RBPJ: variants seen among roughly 807,000 people sequenced by gnomAD.
The protein encoded by RBPJ is recombination signal binding protein for immunoglobulin kappa J region, also known as recombining binding protein suppressor of hairless.
RBPJ carries 9 observed loss-of-function variants against 67.8 expected under a neutral mutation model. The ratio of observed to expected loss-of-function variants is 0.13; its 90% CI spans 0.08 to 0.23. The LOEUF is 0.23. Ranked by LOEUF, RBPJ falls within the 10% of genes least tolerant of loss-of-function variation. The pLI is 1.00. For synonymous variants in RBPJ, 198 were observed against 203.3 expected (o/e 0.97, Z 0.22); for missense variants, 305 against 595.6 (o/e 0.51, Z 5.08).
chr4:26,236,619 A>G (rs1719461328), intron 1 of RBPJ, among the ~76,000 whole-genome samples: 1 of 152,176 alleles, frequency 6.6e-6, no homozygotes, highest in South Asian at 2.1e-4. Context: ...AGAGCAAGCA[A>G]TTCAAGAGAC....
At chr4:26,153,294 T>TA in the RBPJ span, among the ~76,000 whole-genome samples, 18 of 152,234 alleles carry the variant, frequency 1.2e-4, no homozygotes, top group African/African-American at 4.1e-4. Flanking sequence ...AATTTTAAGG[T>TA]AAAAAACATG....
upstream of RBPJ, among the ~76,000 whole-genome samples, chr4:26,162,567 T>A (rs1716111641): frequency 6.6e-6 from 1 of 152,250 alleles, no homozygotes; most frequent in South Asian, 2.1e-4. Context: ...TGTATTGATC[T>A]ATTTAATCTT....
the RBPJ span, among the ~76,000 whole-genome samples, chr4:26,116,079 A>C: frequency 6.6e-6 from 1 of 152,236 alleles, no homozygotes; most frequent in Non-Finnish European, 1.5e-5. Flanking sequence ...TCATGTTCTC[A>C]TTCAATAAAA....
At chr4:26,156,918 T>C in the RBPJ span, among the ~76,000 whole-genome samples, 5 of 138,746 alleles carry the variant, frequency 3.6e-5, no homozygotes, top group Non-Finnish European at 4.7e-5. Context: ...AAAAAAAAAA[T>C]ACATAAATTA....
intron 1 of RBPJ, among the ~76,000 whole-genome samples, chr4:26,358,851 C>G (rs574332702): frequency 1.3e-5 from 2 of 152,036 alleles, no homozygotes; most frequent in Non-Finnish European, 2.9e-5. Flanking sequence ...GCCCATTATC[C>G]CAGTTCACTG....
chr4:26,289,264 G>A (rs1019867202), intron 1 of RBPJ, among the ~76,000 whole-genome samples: 3 of 149,184 alleles, frequency 2.0e-5, no homozygotes, highest in African/African-American at 7.4e-5. Context: ...GGGCACAGTG[G>A]CAGGTGCCTG....
At chr4:26,216,541 C>A (rs1718727948) in intron 1 of RBPJ, among the ~76,000 whole-genome samples, 1 of 152,028 alleles carries the variant, frequency 6.6e-6, no homozygotes. Flanking sequence ...GGGGTTGGGC[C>A]AGGTCACTGA....
At chr4:26,416,499 G>A (rs1186091849) in intron 4 of RBPJ, among the ~76,000 whole-genome samples, 1 of 152,036 alleles carries the variant, frequency 6.6e-6, no homozygotes, top group African/African-American at 2.4e-5. Flanking sequence ...CAAAGTGCTG[G>A]GATTACGGGT....
intron 1 of RBPJ, among the ~76,000 whole-genome samples, chr4:26,167,816 C>T (rs547074049): frequency 2.5e-4 from 38 of 151,046 alleles, no homozygotes; most frequent in African/African-American, 9.2e-4. Context: ...GGAATGCTTC[C>T]AGTTTTTGCC....
intron 1 of RBPJ, among the ~76,000 whole-genome samples, chr4:26,270,377 G>GAAAGAAAGAAAGAAAGAAAGAAA (rs1560237695): frequency 6.8e-5 from 3 of 44,178 alleles, no homozygotes; most frequent in Non-Finnish European, 1.5e-4. Context: ...AAGAAAGAAA[G>GAAAGAAAGAAAGAAAGAAAGAAA]AAAGAAAGAA....
chr4:26,241,490 C>T (rs993885373), intron 1 of RBPJ, among the ~76,000 whole-genome samples: 1 of 151,938 alleles, frequency 6.6e-6, no homozygotes, highest in Non-Finnish European at 1.5e-5. Context: ...GTCTTCTTTT[C>T]ACTTTTTTTT....
At chr4:26,130,679 T>C in the RBPJ span, among the ~76,000 whole-genome samples, 5 of 152,232 alleles carry the variant, frequency 3.3e-5, no homozygotes, top group African/African-American at 1.2e-4. Context: ...CTACTCCTTT[T>C]TCTATGAGAA....
intron 2 of RBPJ, among the ~76,000 whole-genome samples, chr4:26,394,007 T>G (rs1461696704): frequency 6.6e-6 from 1 of 150,844 alleles, no homozygotes; most frequent in Non-Finnish European, 1.5e-5. Context: ...TATATACTAT[T>G]CACTGTTACT....
rs1720878626 is a variant in RBPJ at position 26,270,440 on chromosome 4, G to GAAAGAAAGAAAGAGAAAGAAAGAAA, written c.-166-91993_-166-91992insGAAAGAAAGAAAAAAGAAAGAAAGA. ...AAGAAAGAAAGAAAGAAAGAAAGAA[G>GAAAGAAAGAAAGAGAAAGAAAGAAA]AAAGAAAGAAAGAAAGAAAAGAAAA... On this transcript the variant is annotated intron_variant, in intron 1 of 4. Coordinates refer to the RBPJ transcript ENST00000512351. Among the ~76,000 whole-genome samples, 4 of 95,460 alleles carry GAAAGAAAGAAAGAGAAAGAAAGAAA rather than the reference G, an allele frequency of 4.2e-5. 1 individual carries two copies. The highest frequency in any genetic ancestry group is 1.8e-4 in the African/African-American group (4 of 22,836). 62.6% of individuals were successfully genotyped at this position (95,460 alleles called of 152,430 possible).
At chr4:26,330,046 T>G (rs550543708) in intron 1 of RBPJ, among the ~76,000 whole-genome samples, 2 of 152,164 alleles carry the variant, frequency 1.3e-5, no homozygotes, top group Non-Finnish European at 2.9e-5. Flanking sequence ...GGAAAAAACC[T>G]GAAATTAAAA....
At chr4:26,392,380 T>C (rs901420677) in intron 2 of RBPJ, among the ~76,000 whole-genome samples, 2 of 152,214 alleles carry the variant, frequency 1.3e-5, no homozygotes, top group African/African-American at 2.4e-5. Context: ...TCATGTTAGC[T>C]TTAGTTGTAG....
intron 1 of RBPJ, among the ~76,000 whole-genome samples, chr4:26,176,849 C>T (rs1716811021): frequency 1.3e-5 from 2 of 152,238 alleles, no homozygotes; most frequent in Non-Finnish European, 2.9e-5. Flanking sequence ...GCCCAGTTGC[C>T]TTGCTTGAAC....
chr4:26,250,124 C>T (rs1244993258), intron 1 of RBPJ, among the ~76,000 whole-genome samples: 3 of 151,574 alleles, frequency 2.0e-5, no homozygotes, highest in African/African-American at 4.9e-5. Flanking sequence ...AAACTCTGTA[C>T]CCATTAAGCA....
chr4:26,329,633 G>A (rs1724015840), intron 1 of RBPJ, among the ~76,000 whole-genome samples: 1 of 152,098 alleles, frequency 6.6e-6, no homozygotes, highest in African/African-American at 2.4e-5. Context: ...GGTGGCTCAC[G>A]CTTGTAATCC....
Sources: allele counts gnomAD v4.1 joint callset (sites outside exome capture counted in the v4.1 genomes callset), GRCh38; gene constraint gnomAD v4.1.1; transcripts MANE v1.5; gene names NCBI Gene and HGNC (gene_info 2026-07-23, HGNC 2026-07-21).